DUS2: variants seen among roughly 807,000 people sequenced by gnomAD.
The protein encoded by DUS2 is dihydrouridine synthase 2, also known as tRNA-dihydrouridine(20) synthase [NAD(P)+]-like.
In DUS2, 52 loss-of-function variants were observed where a neutral mutation model predicts 71.3. The ratio of observed to expected loss-of-function variants is 0.73; its 90% CI spans 0.58 to 0.92. The LOEUF (loss-of-function observed/expected upper bound fraction) is 0.92, where lower values mean the gene tolerates loss of function less well. Ranked by LOEUF, DUS2 falls within the 40% of genes least tolerant of loss-of-function variation. The pLI is 0.00. For missense variants in DUS2, 558 were observed against 622.6 expected (o/e 0.90, Z 1.10); for synonymous variants, 204 against 227.8 (o/e 0.90, Z 0.94).
intron 4 of DUS2, among the ~76,000 whole-genome samples, chr16:68,051,310 G>C (rs1465814510): frequency 6.6e-6 from 1 of 152,164 alleles, no homozygotes; most frequent in Admixed American, 6.6e-5. Context: ...GTAAACAAAG[G>C]GTTAGGTTTG....
chr16:68,035,945 C>CAT (rs1301439822), intron 2 of DUS2, among the ~76,000 whole-genome samples: 2 of 137,102 alleles, frequency 1.5e-5, no homozygotes, highest in African/African-American at 2.9e-5. Flanking sequence ...CATACATACA[C>CAT]ATATATATAC....
In DUS2 at chr16:68,049,562, T is replaced by G; in HGVS notation, c.172+12T>G. 2 of 1,613,998 alleles carry G rather than the reference T, an allele frequency of 1.2e-6. No homozygotes were observed. The highest frequency in any genetic ancestry group is 1.7e-6 in the Non-Finnish European group (2 of 1,179,868). On this transcript the variant is annotated intron_variant, in intron 4 of 16. Transcript: ENST00000565263. ...GAGAGTTGTTAATGGTGAGTACAGA[T>G]CTGGCTCCAGAATTATGCATATGCC...
intron 3 of DUS2, among the ~76,000 whole-genome samples, chr16:68,047,630 T>G (rs2033723932): frequency 6.6e-6 from 1 of 151,112 alleles, no homozygotes; most frequent in Admixed American, 6.6e-5. Flanking sequence ...ATTGCAGGCA[T>G]GTACCACCAT....
At chr16:68,058,389 T>G (rs2033891623) in intron 7 of DUS2, among the ~76,000 whole-genome samples, 1 of 151,866 alleles carries the variant, frequency 6.6e-6, no homozygotes, top group Admixed American at 6.6e-5. Flanking sequence ...CACACCCAAC[T>G]AATTTTTTTT....
intron 15 of DUS2, 124 bp from the exon 16 acceptor site, chr16:68,078,321 C>A: frequency 1.1e-6 from 1 of 879,906 alleles, no homozygotes; most frequent in Non-Finnish European, 1.9e-6. Context: ...GCATGTGATA[C>A]AGGCAGCCTT....
intron 3 of DUS2, among the ~76,000 whole-genome samples, chr16:68,041,608 T>G (rs1159401324): frequency 6.6e-6 from 1 of 151,572 alleles, no homozygotes; most frequent in East Asian, 1.9e-4. Context: ...AGGTCAGGAG[T>G]TCGAGACTAG....
In DUS2 at chr16:68,070,520, TCC is replaced by T. The variant is rs370565659; in HGVS notation, c.641+301_641+302del. Among the ~76,000 whole-genome samples, 48 of 152,254 alleles carry T rather than the reference TCC, an allele frequency of 3.2e-4. 1 individual carries two copies. In the East Asian group the frequency reaches 9.3e-3, roughly 29 times the overall value. On this transcript the variant is annotated intron_variant, in intron 11 of 16. Transcript: ENST00000565263. ...TATGACCTAACTGGGCCTCCTTCCT[TCC>T]TCTTGTCATCACTAGGGTGTCTGTT...
intron 2 of DUS2, among the ~76,000 whole-genome samples, chr16:68,033,634 ATT>A (rs548683357): frequency 1.4e-4 from 17 of 125,330 alleles, no homozygotes; most frequent in African/African-American, 2.4e-4. Context: ...ACAGGTGCTA[ATT>A]TTTTTTTTTT....
chr16:68,049,045 C>A (rs148804840), intron 3 of DUS2, among the ~76,000 whole-genome samples: 1 of 152,200 alleles, frequency 6.6e-6, no homozygotes, highest in East Asian at 1.9e-4. Flanking sequence ...ACTTTTCTTT[C>A]CTGTGTTCAT....
chr16:68,039,048 A>G (rs984035927), intron 3 of DUS2, among the ~76,000 whole-genome samples: 2 of 152,032 alleles, frequency 1.3e-5, no homozygotes, highest in African/African-American at 4.8e-5. Flanking sequence ...AAAAATAAAA[A>G]TATAAAAAAT....
rs559628519 is a variant in DUS2 at position 68,044,686 on chromosome 16, T to C, written c.127-4819T>C. Among the ~76,000 whole-genome samples, 111 of 151,056 alleles carry C rather than the reference T, an allele frequency of 7.3e-4. 1 individual carries two copies. The highest frequency in any genetic ancestry group is 2.6e-3 in the African/African-American group (108 of 41,156). On this transcript the variant is annotated intron_variant, in intron 3 of 16. Transcript: ENST00000565263. ...GTGCTGGTATTAAAAGCATGAGCCATTGGGCCGGGTCAGGTCTTCTTTAAT... is the reference window on the plus strand; with the variant it reads ...GTGCTGGTATTAAAAGCATGAGCCACTGGGCCGGGTCAGGTCTTCTTTAAT...
rs139037479 is a variant in DUS2 at position 68,034,418 on chromosome 16, A to G, written c.-18-3588A>G. Among the ~76,000 whole-genome samples the G allele has an allele frequency of 2.8e-4, 42 of 152,114 alleles. 1 individual carries two copies. The East Asian group carries it at 7.2e-3, about 26-fold the overall frequency. On this transcript the variant is annotated intron_variant, in intron 2 of 16. Coordinates refer to ENST00000565263, the MANE Select transcript of DUS2 (RefSeq NM_017803.5). Reference sequence around the variant, plus strand: ...TTTTTTGTAAAGATGGGATTTTGCTATGTTGGTCAGGCTGGTGTTGAACTC... The same window carrying G: ...TTTTTTGTAAAGATGGGATTTTGCTGTGTTGGTCAGGCTGGTGTTGAACTC...
At chr16:68,035,884 TTA>T (rs71145987) in intron 2 of DUS2, among the ~76,000 whole-genome samples, 243 of 113,148 alleles carry the variant, frequency 2.1e-3, no homozygotes, top group African/African-American at 5.9e-3. Flanking sequence ...CCCGCTAATT[TTA>T]TATATATATA....
intron 2 of DUS2, among the ~76,000 whole-genome samples, chr16:68,031,021 G>A (rs2033429364): frequency 6.6e-6 from 1 of 152,056 alleles, no homozygotes; most frequent in African/African-American, 2.4e-5. Flanking sequence ...TGGGATTACA[G>A]GTGTGAGCCA....
At chr16:68,048,644 G>A (rs1260210246) in intron 3 of DUS2, among the ~76,000 whole-genome samples, 1 of 152,202 alleles carries the variant, frequency 6.6e-6, no homozygotes, top group Non-Finnish European at 1.5e-5. Context: ...TTTGGCCATT[G>A]TCCCTAGGTA....
intron 12 of DUS2, 134 bp from the exon 13 acceptor site, chr16:68,073,900 T>C: frequency 1.8e-6 from 2 of 1,127,322 alleles, no homozygotes; most frequent in Non-Finnish European, 2.5e-6. Flanking sequence ...GTGGTGGTTC[T>C]TCTTATGGGG....
chr16:68,061,199 G>A (rs2033936143), intron 8 of DUS2, 86 bp downstream of exon 8: 10 of 1,363,856 alleles, frequency 7.3e-6, no homozygotes, highest in Non-Finnish European at 9.4e-6. Context: ...ACCAATACCA[G>A]ATTTACTGAT....
At position 68,038,183 on chromosome 16, in the gene DUS2, C is replaced by T. The variant is rs770987078; in HGVS notation, c.126+34C>T. 3.7e-6 allele frequency: 6 copies of T among 1,611,068 alleles called. No individual in the cohort carries two copies. In the South Asian group the frequency reaches 5.5e-5, roughly 15 times the overall value. On this transcript the variant is annotated intron_variant, in intron 3 of 16. Coordinates refer to ENST00000565263, the MANE Select transcript of DUS2 (RefSeq NM_017803.5). ...CTCTGATTTTCTGGGTGGGCTTCTC[C>T]ACAAGTACAGACTCCTCTTCATTTG...
In DUS2 at chr16:68,037,946, A is replaced by T; in HGVS notation, c.-18-60A>T. 3.2e-6 allele frequency: 5 copies of T among 1,549,672 alleles called. No homozygotes were observed. In the South Asian group the frequency reaches 5.9e-5, roughly 18 times the overall value. ...CTTGAAGAAGGGAAGCCTGCTCTTG[A>T]TAACAGGAGAGATTTTCTTCATTTG... On this transcript the variant is annotated intron_variant, in intron 2 of 16. Coordinates refer to ENST00000565263, the MANE Select transcript of DUS2 (RefSeq NM_017803.5).
Sources: gnomAD v4.1 joint callset for allele counts (sites outside exome capture counted in the v4.1 genomes callset) on GRCh38, gnomAD v4.1.1 for gene constraint, MANE v1.5 for transcripts, NCBI Gene and HGNC (gene_info 2026-07-23, HGNC 2026-07-21) for gene names.